Variants in MACROD2 observed in about 807,000 individuals in gnomAD.
MACROD2 encodes the protein ADP-ribose glycohydrolase MACROD2.
MACROD2 carries 36 observed loss-of-function variants against 70.4 expected under a neutral mutation model. That is an observed-to-expected ratio of 0.51 (90% confidence interval 0.39 to 0.68). MACROD2 has a LOEUF of 0.68. Ranked by LOEUF, MACROD2 falls within the 30% of genes least tolerant of loss-of-function variation. The probability of loss-of-function intolerance (pLI) is 0.00; values close to 1 mark genes in which losing one functional copy is unlikely to be tolerated. For missense variants in MACROD2, 496 were observed against 538.4 expected (o/e 0.92, Z 0.78); for synonymous variants, 172 against 178.8 (o/e 0.96, Z 0.30).
At chr20:15,536,016 G>A (rs2047869783) in intron 8 of MACROD2, among the ~76,000 whole-genome samples, 1 of 152,098 alleles carries the variant, frequency 6.6e-6, no homozygotes, top group Admixed American at 6.6e-5. Flanking sequence ...TCAAGGTCAT[G>A]GCATTTTATT....
At chr20:15,458,415 C>T (rs554496800) in intron 7 of MACROD2, among the ~76,000 whole-genome samples, 1 of 152,092 alleles carries the variant, frequency 6.6e-6, no homozygotes, top group South Asian at 2.1e-4. Context: ...CATGAAGCTG[C>T]TGAAATATAA....
intron 8 of MACROD2, among the ~76,000 whole-genome samples, chr20:15,625,793 C>T (rs1417515473): frequency 6.6e-6 from 1 of 150,822 alleles, no homozygotes; most frequent in Non-Finnish European, 1.5e-5. Flanking sequence ...ATTCTCTTTC[C>T]AGCAATACAT....
At position 14,918,606 on chromosome 20, in the gene MACROD2, GTGTTTTTTT is replaced by G. The variant is rs1419197893; in HGVS notation, c.418+233658_418+233666del. On this transcript the variant is annotated intron_variant, in intron 5 of 17. Transcript: ENST00000684519. The stretch of plus-strand genomic sequence containing the variant: ...TCACATTAGCCCTTTTTGTGACACT[GTGTTTTTTT>G]TGTTTTTTTTTTTTTTTCTGGAGTT... 2.8e-5 allele frequency among the ~76,000 whole-genome samples: 4 copies of G among 140,474 alleles called. No individual in the cohort carries two copies. In the South Asian group the frequency reaches 6.7e-4, roughly 23 times the overall value. The allele number at this position is 140,474 out of a possible 152,430, so 92.2% of individuals were successfully genotyped here.
At chr20:15,994,693 TAGAG>T (rs1379701300) in intron 15 of MACROD2, among the ~76,000 whole-genome samples, 3 of 152,208 alleles carry the variant, frequency 2.0e-5, no homozygotes, top group East Asian at 3.9e-4. Flanking sequence ...TGCTATCATA[TAGAG>T]AGTTAGCCTA....
intron 8 of MACROD2, among the ~76,000 whole-genome samples, chr20:15,553,658 G>T (rs1009028641): frequency 6.6e-6 from 1 of 152,084 alleles, no homozygotes; most frequent in African/African-American, 2.4e-5. Flanking sequence ...AAGATCAAGC[G>T]ATCCACCTGC....
In MACROD2 at chr20:15,937,490, G is replaced by A. The variant is rs1262807990; in HGVS notation, c.853G>A (p.Val285Ile). The A allele has an allele frequency of 6.2e-7, 1 of 1,613,372 alleles. No individual in the cohort carries two copies. The change falls in exon 12 of 18, where the codon GTC becomes ATC. Residue 285 changes from valine to isoleucine, a missense_variant. By Grantham distance (29) the Val-to-Ile change is conservative. Transcript: ENST00000684519. The stretch of plus-strand genomic sequence containing the variant: ...CTGCTTTATAGATGGTGTCAACACT[G>A]TCACTGTGCCCGGCCCTGCTTCAGA... ...QSQDADGVNTVTVPGPASEEA... is the reference protein window; with the variant it reads ...QSQDADGVNTITVPGPASEEA...
chr20:15,078,871 C>G (rs1366452284), intron 5 of MACROD2, among the ~76,000 whole-genome samples: 1 of 152,084 alleles, frequency 6.6e-6, no homozygotes, highest in African/African-American at 2.4e-5. Context: ...GTCACAGACT[C>G]CTGACCTCAG....
At chr20:16,009,614 A>G in intron 15 of MACROD2, among the ~76,000 whole-genome samples, 1 of 152,058 alleles carries the variant, frequency 6.6e-6, no homozygotes, top group Admixed American at 6.6e-5. Context: ...AAAATTAGCC[A>G]AGCATGGTGG....
intron 3 of MACROD2, among the ~76,000 whole-genome samples, chr20:14,158,989 C>T (rs1268224132): frequency 1.1e-4 from 16 of 152,258 alleles, no homozygotes; most frequent in African/African-American, 3.1e-4. Flanking sequence ...GTAATCCCAG[C>T]ACTTTGGGAA....
At chr20:14,765,076 C>T (rs1168953483) in intron 5 of MACROD2, among the ~76,000 whole-genome samples, 1 of 152,116 alleles carries the variant, frequency 6.6e-6, no homozygotes, top group African/African-American at 2.4e-5. Context: ...TTAAGCAGTG[C>T]CTCCTGCCCT....
intron 5 of MACROD2, among the ~76,000 whole-genome samples, chr20:14,938,312 A>T (rs1350944262): frequency 6.6e-6 from 1 of 152,110 alleles, no homozygotes; most frequent in Non-Finnish European, 1.5e-5. Context: ...TTCTGCCAAC[A>T]ATGTATAAGG....
At chr20:15,986,936 C>A in intron 14 of MACROD2, 130 bp from the exon 15 acceptor site, 1 of 1,034,062 alleles carries the variant, frequency 9.7e-7, no homozygotes, top group South Asian at 1.5e-5. Flanking sequence ...CAATAGTGTT[C>A]AACTTGGTGT....
intron 5 of MACROD2, among the ~76,000 whole-genome samples, chr20:14,809,398 T>C (rs532574948): frequency 1.3e-5 from 2 of 152,122 alleles, no homozygotes; most frequent in South Asian, 2.1e-4. Context: ...AGAACAAAGA[T>C]ACAGCATACC....
chr20:14,820,947 C>T (rs982527273), intron 5 of MACROD2, among the ~76,000 whole-genome samples: 1 of 151,994 alleles, frequency 6.6e-6, no homozygotes, highest in Non-Finnish European at 1.5e-5. Context: ...CCTCCGGAAC[C>T]GTAAACTCTC....
At chr20:15,448,447 T>C (rs1352842941) in intron 7 of MACROD2, among the ~76,000 whole-genome samples, 1 of 152,174 alleles carries the variant, frequency 6.6e-6, no homozygotes, top group African/African-American at 2.4e-5. Context: ...TTCATAGCCC[T>C]TAATACAATC....
At chr20:14,919,472 A>G (rs1369227560) in intron 5 of MACROD2, among the ~76,000 whole-genome samples, 1 of 152,200 alleles carries the variant, frequency 6.6e-6, no homozygotes, top group African/African-American at 2.4e-5. Context: ...ACTACCAAAA[A>G]CAATCTATCT....
At chr20:14,227,394 A>G (rs898937650) in intron 3 of MACROD2, among the ~76,000 whole-genome samples, 2 of 152,124 alleles carry the variant, frequency 1.3e-5, no homozygotes, top group African/African-American at 4.8e-5. Context: ...CCTTTATGAG[A>G]TGTAACACTC....
At chr20:15,920,808 TA>T (rs1225260124) in intron 10 of MACROD2, among the ~76,000 whole-genome samples, 1 of 152,202 alleles carries the variant, frequency 6.6e-6, no homozygotes, top group East Asian at 1.9e-4. Context: ...AAAAATAGAA[TA>T]TTCATTATAT....
intron 10 of MACROD2, among the ~76,000 whole-genome samples, chr20:15,929,430 TTA>T (rs10659686): frequency 1.3e-5 from 2 of 149,958 alleles, no homozygotes. Flanking sequence ...GACACTGATT[TTA>T]TATATATATA....
Sources: gnomAD v4.1 joint callset for allele counts (sites outside exome capture counted in the v4.1 genomes callset) on GRCh38, gnomAD v4.1.1 for gene constraint, MANE v1.5 for transcripts, NCBI Gene and HGNC (gene_info 2026-07-23, HGNC 2026-07-21) for gene names.